The following ITGA9 variants were observed in gnomAD, a reference collection of about 807,000 sequenced individuals.
ITGA9 encodes the protein integrin subunit alpha 9.
ITGA9 carries 56 observed loss-of-function variants against 127.8 expected under a neutral mutation model. That is an observed-to-expected ratio of 0.44 (90% CI 0.35 to 0.55). The LOEUF is 0.55. ITGA9 is among the 20% of genes least tolerant of loss of function. The pLI is 0.00. For missense variants in ITGA9, 1,196 were observed against 1,347.1 expected, an observed-to-expected ratio of 0.89 and a Z score of 1.76; for synonymous variants, 508 against 514.5, an observed-to-expected ratio of 0.99 and a Z score of 0.17.
At chr3:37,546,036 A>T (rs887187105) in intron 15 of ITGA9, among the ~76,000 whole-genome samples, 5 of 152,174 alleles carry the variant, frequency 3.3e-5, no homozygotes, top group African/African-American at 1.2e-4. Context: ...ACTGCCTGTG[A>T]TATTTTCTTT....
intron 18 of ITGA9, among the ~76,000 whole-genome samples, chr3:37,705,128 G>A (rs775849030): frequency 6.6e-5 from 10 of 152,192 alleles, no homozygotes; most frequent in South Asian, 2.1e-4. Flanking sequence ...GTGGGATCAC[G>A]ATGGCATTCA....
intron 5 of ITGA9, among the ~76,000 whole-genome samples, 167 bp from the exon 6 acceptor site, chr3:37,503,011 C>T (rs564937692): frequency 2.6e-5 from 4 of 152,256 alleles, no homozygotes; most frequent in African/African-American, 7.2e-5. Flanking sequence ...ATAATAGATT[C>T]CATAATGCTG....
intron 1 of ITGA9, among the ~76,000 whole-genome samples, chr3:37,460,587 C>CTTTTTTT (rs10711884): frequency 9.0e-6 from 1 of 110,864 alleles, no homozygotes; most frequent in Non-Finnish European, 1.9e-5. Flanking sequence ...GTGCCCAAAT[C>CTTTTTTT]TTTTTTTTTT....
At chr3:37,566,426 A>T (rs550076611) in intron 15 of ITGA9, among the ~76,000 whole-genome samples, 1 of 152,238 alleles carries the variant, frequency 6.6e-6, no homozygotes, top group South Asian at 2.1e-4. Context: ...GGAAAGATTC[A>T]GGTACCCTTT....
At chr3:37,463,253 A>T (rs1698335723) in intron 1 of ITGA9, among the ~76,000 whole-genome samples, 1 of 152,208 alleles carries the variant, frequency 6.6e-6, no homozygotes, top group Non-Finnish European at 1.5e-5. Context: ...TATCACCACA[A>T]TATTGCTGCA....
intron 17 of ITGA9, among the ~76,000 whole-genome samples, chr3:37,671,793 G>A (rs912682878): frequency 6.6e-6 from 1 of 152,044 alleles, no homozygotes; most frequent in African/African-American, 2.4e-5. Flanking sequence ...TGATTAGAAG[G>A]GATTTCTAAA....
intron 14 of ITGA9, among the ~76,000 whole-genome samples, chr3:37,540,546 G>C (rs1248300804): frequency 1.3e-5 from 2 of 152,246 alleles, no homozygotes; most frequent in Non-Finnish European, 2.9e-5. Context: ...GCAAGAACAA[G>C]TGTGGTGGGA....
At chr3:37,665,971 C>T (rs1700582310) in intron 17 of ITGA9, among the ~76,000 whole-genome samples, 2 of 152,202 alleles carry the variant, frequency 1.3e-5, no homozygotes, top group African/African-American at 4.8e-5. Context: ...AGCTTCTGTT[C>T]ACCTGATGAG....
intron 23 of ITGA9, among the ~76,000 whole-genome samples, chr3:37,755,297 C>G (rs1002275757): frequency 6.6e-6 from 1 of 152,152 alleles, no homozygotes; most frequent in African/African-American, 2.4e-5. Context: ...GAATTGCACA[C>G]TGCTCCTGAA....
chr3:37,484,138 C>T (rs191909664), intron 4 of ITGA9, among the ~76,000 whole-genome samples: 16 of 152,278 alleles, frequency 1.1e-4, no homozygotes, highest in Admixed American at 9.2e-4. Context: ...CCCATGGGCG[C>T]ACACACACTT....
chr3:37,576,878 C>G (rs1286426171), intron 15 of ITGA9, among the ~76,000 whole-genome samples: 1 of 152,244 alleles, frequency 6.6e-6, no homozygotes, highest in South Asian at 2.1e-4. Context: ...GGATTACAGG[C>G]ATGAGCCACC....
At chr3:37,487,231 A>G (rs1275916498) in intron 4 of ITGA9, among the ~76,000 whole-genome samples, 1 of 150,684 alleles carries the variant, frequency 6.6e-6, no homozygotes, top group Non-Finnish European at 1.5e-5. Context: ...TAATAAACAT[A>G]TCTTATTTAA....
intron 6 of ITGA9, among the ~76,000 whole-genome samples, chr3:37,503,813 A>C (rs1386827286): frequency 6.6e-6 from 1 of 152,264 alleles, no homozygotes; most frequent in Non-Finnish European, 1.5e-5. Flanking sequence ...TCTTCTGGAA[A>C]GAAGATAGAC....
rs1385549185 is a variant in ITGA9 at position 37,624,585 on chromosome 3, CCT to C, written c.1690-4601_1690-4600del. Among the ~76,000 whole-genome samples, 5 of 152,120 alleles carry C rather than the reference CCT, an allele frequency of 3.3e-5. No individual in the cohort carries two copies. In the East Asian group the frequency reaches 9.7e-4, roughly 29 times the overall value. ...CTGCCTCCATGTTGGCCTCCCTGCC[CCT>C]GTCAGAGGGATTTTTATTTATTTTA... On this transcript the variant is annotated intron_variant, in intron 15 of 27. Transcript: ENST00000264741.
chr3:37,583,399 T>TATCATCATCAGCATC (rs11276513), intron 15 of ITGA9, among the ~76,000 whole-genome samples: 1 of 151,914 alleles, frequency 6.6e-6, no homozygotes, highest in South Asian at 2.1e-4. Flanking sequence ...CTATTATTGC[T>TATCATCATCAGCATC]ATCATCATCA....
intron 15 of ITGA9, among the ~76,000 whole-genome samples, chr3:37,558,090 C>G (rs1699448320): frequency 6.6e-6 from 1 of 152,198 alleles, no homozygotes; most frequent in Non-Finnish European, 1.5e-5. Flanking sequence ...TTCAGCCGCT[C>G]CTGTGCACGT....
intron 23 of ITGA9, among the ~76,000 whole-genome samples, chr3:37,755,363 T>C (rs1696637861): frequency 6.6e-6 from 1 of 151,924 alleles, no homozygotes; most frequent in African/African-American, 2.4e-5. Flanking sequence ...GACAGACAGA[T>C]GAGGAGTAGA....
intron 15 of ITGA9, among the ~76,000 whole-genome samples, chr3:37,558,831 C>T (rs1352573742): frequency 2.6e-5 from 4 of 152,152 alleles, no homozygotes; most frequent in Non-Finnish European, 5.9e-5. Context: ...AGCCAGCTGC[C>T]GAGCTTTTTC....
intron 22 of ITGA9, among the ~76,000 whole-genome samples, chr3:37,747,716 C>CTTTTTTTTTTTTTTT: frequency 7.1e-6 from 1 of 140,042 alleles, no homozygotes; most frequent in Non-Finnish European, 1.5e-5. Flanking sequence ...CCTTTTTTTT[C>CTTTTTTTTTTTTTTT]TTTTTTTTTT....
Sources: gnomAD v4.1 joint callset for allele counts (sites outside exome capture counted in the v4.1 genomes callset) on GRCh38, gnomAD v4.1.1 for gene constraint, MANE v1.5 for transcripts, NCBI Gene and HGNC (gene_info 2026-07-23, HGNC 2026-07-21) for gene names.